The following GLG1 variants were observed in gnomAD, a reference collection of about 807,000 sequenced individuals.
GLG1 encodes the protein golgi glycoprotein 1.
In GLG1, 38 loss-of-function variants were observed where a neutral mutation model predicts 160.5. The observed-to-expected ratio is 0.24, with a 90% CI of 0.18 to 0.31. The LOEUF (loss-of-function observed/expected upper bound fraction) is 0.31. Among genes scored for constraint, GLG1 ranks in the 10% least tolerant of loss-of-function variants. The pLI is 1.00. For synonymous variants in GLG1, 644 were observed against 543.4 expected, an observed-to-expected ratio of 1.19 and a Z score of -2.57; for missense variants, 1,373 against 1,505.2, an observed-to-expected ratio of 0.91 and a Z score of 1.45.
chr16:74,490,585 T>A (rs530433522), intron 8 of GLG1, among the ~76,000 whole-genome samples: 2 of 152,284 alleles, frequency 1.3e-5, no homozygotes, highest in South Asian at 2.1e-4. Flanking sequence ...AAATTTCAAT[T>A]CATATCAACT....
chr16:74,524,195 C>T (rs141709256), intron 2 of GLG1, among the ~76,000 whole-genome samples: 7 of 151,966 alleles, frequency 4.6e-5, no homozygotes, highest in African/African-American at 1.2e-4. Context: ...GGTGACAGAG[C>T]GACACTTCAT....
chr16:74,602,929 C>T lies in GLG1; in HGVS notation c.438+3728G>A, dbSNP rs201730224. Among the ~76,000 whole-genome samples, 48 of 151,810 alleles carry T rather than the reference C, an allele frequency of 3.2e-4. 2 individuals carry two copies. The highest frequency in any genetic ancestry group is 1.5e-3 in the South Asian group (7 of 4,808). On this transcript the variant is annotated intron_variant, in intron 1 of 25. Transcript: ENST00000422840. ...GTAATCCAGCAGTTTGGGAGGCCGA[C>T]GCAGGCAGATCACCTAAGGTGAGGA... is the stretch of plus-strand genomic sequence containing the variant.
intron 12 of GLG1, among the ~76,000 whole-genome samples, chr16:74,475,980 G>C (rs895446917): frequency 6.6e-6 from 1 of 152,084 alleles, no homozygotes; most frequent in Non-Finnish European, 1.5e-5. Flanking sequence ...TCAGGAGTTA[G>C]AGACCAGCAT....
chr16:74,484,492 G>A (rs941708260), intron 9 of GLG1, among the ~76,000 whole-genome samples: 3 of 151,958 alleles, frequency 2.0e-5, no homozygotes, highest in Admixed American at 6.6e-5. Context: ...GCCGGGCGTG[G>A]TGGCTCACAC....
intron 1 of GLG1, among the ~76,000 whole-genome samples, chr16:74,604,909 C>A (rs1204516572): frequency 6.6e-6 from 1 of 152,004 alleles, no homozygotes; most frequent in Non-Finnish European, 1.5e-5. Flanking sequence ...ATTAGCTGGG[C>A]GTGGTGGCGC....
chr16:74,492,692 G>A (rs569186543), intron 7 of GLG1, among the ~76,000 whole-genome samples: 2 of 152,046 alleles, frequency 1.3e-5, no homozygotes, highest in South Asian at 2.1e-4. Context: ...AGTGGCACTC[G>A]CCTGTAATCC....
rs543775140 is a variant in GLG1 at position 74,455,317 on chromosome 16, C to G, written c.3372+1332G>C. The stretch of plus-strand genomic sequence containing the variant: ...TGTTTCTATGCTCATATCACGTACA[C>G]AGAACAGAGTAGGGAGGCGTGAGAT... On this transcript the variant is annotated intron_variant, in intron 25 of 25. Coordinates refer to ENST00000422840, the MANE Select transcript of GLG1 (RefSeq NM_001145667.2). Among the ~76,000 whole-genome samples the G allele has an allele frequency of 1.1e-4, 17 of 152,218 alleles. No homozygotes were observed. The East Asian group carries it at 3.1e-3, about 28-fold the overall frequency.
At chr16:74,466,200 T>G (rs2014995103) in intron 18 of GLG1, among the ~76,000 whole-genome samples, 1 of 152,324 alleles carries the variant, frequency 6.6e-6, no homozygotes, top group South Asian at 2.1e-4. Context: ...TTCAACCCAC[T>G]ATTTACCACC....
Position 74,477,447 on chromosome 16 carries a change from C to G in GLG1, c.1914G>C (p.Lys638Asn), listed in dbSNP as rs768247471. The G allele has an allele frequency of 6.8e-6, 11 of 1,612,688 alleles. 1 individual carries two copies. In the South Asian group the frequency reaches 1.2e-4, roughly 18 times the overall value. ...ACCATTTTCCCAGATCAATCAGGCA[C>G]TTATCCTGGAGGGCAGGATCCAGCT... ...DVKLDPALQDKCLIDLGKWCS... is the reference protein window; with the variant it reads ...DVKLDPALQDNCLIDLGKWCS... Residue 638 changes from lysine to asparagine, a missense_variant, in exon 12 of 26, where the codon AAG becomes AAC. Transcript: ENST00000422840.
intron 1 of GLG1, among the ~76,000 whole-genome samples, chr16:74,536,200 A>T (rs2143628914): frequency 6.6e-6 from 1 of 152,282 alleles, no homozygotes; most frequent in South Asian, 2.1e-4. Flanking sequence ...CAATTAAACC[A>T]CTTCATCAGA....
chr16:74,519,975 G>C (rs1315098281), intron 2 of GLG1, among the ~76,000 whole-genome samples: 2 of 152,100 alleles, frequency 1.3e-5, no homozygotes, highest in Middle Eastern at 6.3e-3. Context: ...TATATACTGA[G>C]ACACAGAATA....
chr16:74,453,718 G>A (rs922482072), intron 25 of GLG1, among the ~76,000 whole-genome samples: 1 of 152,316 alleles, frequency 6.6e-6, no homozygotes, highest in East Asian at 1.9e-4. Context: ...TCTGGATGGA[G>A]AATCAGTGCC....
At chr16:74,506,226 C>A (rs2016597355) in intron 3 of GLG1, among the ~76,000 whole-genome samples, 1 of 151,644 alleles carries the variant, frequency 6.6e-6, no homozygotes, top group Admixed American at 6.6e-5. Context: ...CAGACACCCA[C>A]TTAATGAAAC....
chr16:74,548,336 C>T (rs545256641), intron 1 of GLG1, among the ~76,000 whole-genome samples: 138 of 152,308 alleles, frequency 9.1e-4, no homozygotes, highest in African/African-American at 2.3e-3. Context: ...TAAATTCTTC[C>T]CGAAAATATC....
chr16:74,566,269 C>A (rs182607689), intron 1 of GLG1, among the ~76,000 whole-genome samples: 14 of 152,276 alleles, frequency 9.2e-5, no homozygotes, highest in Admixed American at 8.5e-4. Flanking sequence ...ATGCAGAGGC[C>A]CACCTCCTGG....
intron 13 of GLG1, among the ~76,000 whole-genome samples, chr16:74,473,999 G>A (rs893467154): frequency 1.3e-5 from 2 of 151,958 alleles, no homozygotes; most frequent in East Asian, 3.9e-4. Context: ...TGTTGCCCAG[G>A]CTGGAGTACA....
At chr16:74,456,052 T>C (rs1275720942) in intron 25 of GLG1, among the ~76,000 whole-genome samples, 1 of 152,210 alleles carries the variant, frequency 6.6e-6, no homozygotes, top group African/African-American at 2.4e-5. Flanking sequence ...TTCTTCTCCA[T>C]GTTCCAGACC....
rs149462970 is a variant in GLG1 at position 74,517,741 on chromosome 16, G to A, written c.472-8816C>T. 3.9e-3 allele frequency among the ~76,000 whole-genome samples: 601 copies of A among 152,276 alleles called. 1 individual carries two copies. Among genetic ancestry groups the A allele is most frequent in the Middle Eastern group, 6.8e-3 (2 of 294 alleles). ...AAAGCAATAAAGGGTATTCAAATAG[G>A]AAGAGAAGAAGTCAAATTGTCCCTC... On this transcript the variant is annotated intron_variant, in intron 2 of 25. Transcript: ENST00000422840.
At chr16:74,582,979 T>C (rs1957971231) in intron 1 of GLG1, among the ~76,000 whole-genome samples, 1 of 152,186 alleles carries the variant, frequency 6.6e-6, no homozygotes, top group African/African-American at 2.4e-5. Flanking sequence ...AAGGGTTTAC[T>C]ACCTTTTAAA....
Sources: allele counts gnomAD v4.1 joint callset (sites outside exome capture counted in the v4.1 genomes callset), GRCh38; gene constraint gnomAD v4.1.1; transcripts MANE v1.5; gene names NCBI Gene and HGNC (gene_info 2026-07-23, HGNC 2026-07-21).